PSD3: variants seen among roughly 807,000 people sequenced by gnomAD.
The protein encoded by PSD3 is pleckstrin and Sec7 domain containing 3, also known as PH and SEC7 domain-containing protein 3.
In PSD3, 49 loss-of-function variants were observed where a neutral mutation model predicts 105.5. The observed-to-expected ratio is 0.46, with a 90% CI of 0.37 to 0.59. The LOEUF is 0.59. PSD3 is among the 20% of genes least tolerant of loss of function. PSD3 has a pLI of 0.00. For synonymous variants in PSD3, 557 were observed against 457.8 expected, an observed-to-expected ratio of 1.22 and a Z score of -2.77; for missense variants, 1,561 against 1,263.8, an observed-to-expected ratio of 1.24 and a Z score of -3.57.
chr8:18,983,404 C>CAACTTGGCT (rs1449234614), intron 1 of PSD3, among the ~76,000 whole-genome samples: 1 of 152,212 alleles, frequency 6.6e-6, no homozygotes, highest in African/African-American at 2.4e-5. Flanking sequence ...TTTATATCCA[C>CAACTTGGCT]AACTTGGCTA....
chr8:18,621,127 G>A (rs1449104566), intron 11 of PSD3, among the ~76,000 whole-genome samples: 1 of 152,162 alleles, frequency 6.6e-6, no homozygotes, highest in African/African-American at 2.4e-5. Flanking sequence ...ATTGCTTCCA[G>A]CCAGGCACGG....
intron 11 of PSD3, among the ~76,000 whole-genome samples, chr8:18,626,952 G>T: frequency 6.6e-6 from 1 of 152,102 alleles, no homozygotes; most frequent in Non-Finnish European, 1.5e-5. Context: ...AAAGCGGGAA[G>T]CAACTGGAAA....
In PSD3 at chr8:19,012,693, T is replaced by G. The variant is rs552179452; in HGVS notation, c.21+870A>C. 4.2e-4 allele frequency among the ~76,000 whole-genome samples: 64 copies of G among 152,264 alleles called. No individual in the cohort carries two copies. In the South Asian group the frequency reaches 0.012, roughly 30 times the overall value. ...TACCTAGCTACCGGGCTTTGCAAAA[T>G]CCTTTGCACATACTCAATTACAACG... On this transcript the variant is annotated intron_variant, in intron 1 of 15. Coordinates refer to ENST00000327040, the MANE Select transcript of PSD3 (RefSeq NM_015310.4).
chr8:18,991,373 T>TACATAC lies in PSD3; in HGVS notation c.21+22189_21+22190insGTATGT, dbSNP rs1554562148. ...ACACATACACACACACACACACACA[T>TACATAC]ACACACACACACACACACACACACA... On this transcript the variant is annotated intron_variant, in intron 1 of 15. Coordinates refer to ENST00000327040, the MANE Select transcript of PSD3 (RefSeq NM_015310.4). Among the ~76,000 whole-genome samples, 7 of 100,088 alleles carry TACATAC rather than the reference T, an allele frequency of 7.0e-5. No individual in the cohort carries two copies. In the East Asian group the frequency reaches 1.4e-3, roughly 20 times the overall value. The allele number at this position is 100,088 out of a possible 152,430, so 65.7% of individuals were successfully genotyped here.
chr8:18,899,035 G>C (rs1197238586), intron 2 of PSD3, among the ~76,000 whole-genome samples: 1 of 152,154 alleles, frequency 6.6e-6, no homozygotes, highest in Non-Finnish European at 1.5e-5. Context: ...TATGATAGAA[G>C]GGTCAACATC....
At position 19,072,856 on chromosome 8, in the gene PSD3, G is replaced by A. The variant is rs557230657; in HGVS notation, c.324+11350C>T. On this transcript the variant is annotated intron_variant, in intron 1 of 1. Transcript: ENST00000521475. The stretch of plus-strand genomic sequence containing the variant: ...TCCATCTGGCTCTGAAGTCTGTACT[G>A]TGCTGAGTTCATGTGGAAGGACTCA... Among the ~76,000 whole-genome samples the A allele has an allele frequency of 1.4e-4, 21 of 152,256 alleles. No homozygotes were observed. In the East Asian group the frequency reaches 3.3e-3, roughly 24 times the overall value.
intron 15 of PSD3, among the ~76,000 whole-genome samples, chr8:18,544,448 A>C (rs554752521): frequency 2.0e-5 from 3 of 150,074 alleles, no homozygotes; most frequent in African/African-American, 7.3e-5. Flanking sequence ...TCTTTTCCCT[A>C]TGCTACTCCC....
At chr8:18,766,525 T>G (rs1271158630) in intron 8 of PSD3, among the ~76,000 whole-genome samples, 2 of 152,228 alleles carry the variant, frequency 1.3e-5, no homozygotes, top group Non-Finnish European at 1.5e-5. Flanking sequence ...AATACAGTTT[T>G]TAATGAAAAA....
intron 2 of PSD3, among the ~76,000 whole-genome samples, chr8:18,879,051 A>AC (rs1817919933): frequency 1.1e-4 from 15 of 138,656 alleles, no homozygotes; most frequent in South Asian, 2.4e-4. Flanking sequence ...CACACACACA[A>AC]ACACACACAC....
chr8:18,815,261 T>C (rs1250771124), intron 4 of PSD3, among the ~76,000 whole-genome samples: 2 of 152,178 alleles, frequency 1.3e-5, no homozygotes, highest in Admixed American at 6.5e-5. Context: ...GTCCAAATTT[T>C]ACCATCTCTA....
chr8:19,064,549 A>G (rs1829014160), intron 1 of PSD3, among the ~76,000 whole-genome samples: 1 of 152,178 alleles, frequency 6.6e-6, no homozygotes, highest in Non-Finnish European at 1.5e-5. Context: ...CTTTTCAAGT[A>G]AAGGGAGAAA....
At position 18,591,410 on chromosome 8, in the gene PSD3, C is replaced by T. The variant is rs548321619; in HGVS notation, c.2481+8954G>A. ...GAACAAAGGAAAGTGGTGGGTGGTT[C>T]GCTGCAGTCAGCACAGCTTGATGCA... On this transcript the variant is annotated intron_variant, in intron 12 of 15. Transcript: ENST00000327040. Among the ~76,000 whole-genome samples, 22 of 152,258 alleles carry T rather than the reference C, an allele frequency of 1.4e-4. 1 individual carries two copies. In the South Asian group the frequency reaches 2.5e-3, roughly 17 times the overall value.
intron 14 of PSD3, chr8:18,557,523 T>A (rs1801153384): frequency 6.5e-6 from 1 of 153,870 alleles, no homozygotes; most frequent in Admixed American, 6.6e-5. Context: ...AAAATCCAAG[T>A]CAAAAACCAT....
chr8:18,946,918 A>G (rs13277997), intron 1 of PSD3, among the ~76,000 whole-genome samples: 97,358 of 149,064 alleles, frequency 0.65, 32,034 homozygotes, highest in Non-Finnish European at 0.67. Context: ...AAATAAAAAT[A>G]AATAAAATAA....
At chr8:18,789,659 T>C (rs1809510359) in intron 8 of PSD3, among the ~76,000 whole-genome samples, 1 of 152,152 alleles carries the variant, frequency 6.6e-6, no homozygotes, top group African/African-American at 2.4e-5. Flanking sequence ...TTTGAAAAGA[T>C]AAACACACCT....
intron 2 of PSD3, among the ~76,000 whole-genome samples, chr8:18,897,680 A>T (rs1819241454): frequency 6.6e-6 from 1 of 152,142 alleles, no homozygotes; most frequent in Admixed American, 6.5e-5. Context: ...GCAATTTCTT[A>T]CATCAGTGTT....
At position 18,534,988 on chromosome 8, in the gene PSD3, T is replaced by C. The variant is rs1799778644; in HGVS notation, c.*755A>G. The C allele has an allele frequency of 6.6e-6, 1 of 152,602 alleles. No homozygotes were observed. The highest frequency in any genetic ancestry group is 2.1e-4 in the South Asian group (1 of 4,834). 9.5% of individuals were successfully genotyped at this position (152,602 alleles called of 1,614,324 possible). A position where few individuals can be genotyped will look rare whatever the true frequency, so the allele number is the denominator to read the frequency against. On this transcript the variant is annotated 3_prime_UTR_variant, in exon 16 of 16. Transcript: ENST00000327040. Reference sequence around the variant, plus strand: ...CCTCAAGGGCCGATTATTGCCCCCATCCTTTAGCAAACAAAATTAACTGGG... The same window carrying C: ...CCTCAAGGGCCGATTATTGCCCCCACCCTTTAGCAAACAAAATTAACTGGG...
intron 1 of PSD3, among the ~76,000 whole-genome samples, chr8:18,991,141 T>G (rs576532141): frequency 3.1e-4 from 47 of 152,290 alleles, no homozygotes; most frequent in African/African-American, 1.1e-3. Flanking sequence ...GGTCTCTCCC[T>G]CATCCCGCGT....
chr8:18,950,994 G>C (rs767279786), intron 1 of PSD3, among the ~76,000 whole-genome samples: 2 of 152,182 alleles, frequency 1.3e-5, no homozygotes, highest in Non-Finnish European at 2.9e-5. Flanking sequence ...AGATTCTTAG[G>C]AATGGAGCTG....
Sources: gnomAD v4.1 joint callset for allele counts (sites outside exome capture counted in the v4.1 genomes callset) on GRCh38, gnomAD v4.1.1 for gene constraint, MANE v1.5 for transcripts, NCBI Gene and HGNC (gene_info 2026-07-23, HGNC 2026-07-21) for gene names.